The following BRSK2 variants were observed in gnomAD, a reference collection of about 807,000 sequenced individuals.
BRSK2 encodes serine/threonine-protein kinase BRSK2.
Under a neutral mutation model 83.3 loss-of-function variants are expected in BRSK2, and 19 were observed. The observed-to-expected ratio is 0.23, with a 90% confidence interval of 0.16 to 0.33. BRSK2 has a LOEUF of 0.33. BRSK2 is among the 10% of genes least tolerant of loss of function. The probability of loss-of-function intolerance (pLI) is 1.00; values close to 1 mark genes in which losing one functional copy is unlikely to be tolerated. For synonymous variants in BRSK2, 519 were observed against 435.4 expected (o/e 1.19, Z -2.39); for missense variants, 798 against 1,042.3 (o/e 0.77, Z 3.23).
At chr11:1,407,475 C>G (rs1846970295) in intron 1 of BRSK2, among the ~76,000 whole-genome samples, 1 of 152,282 alleles carries the variant, frequency 6.6e-6, no homozygotes, top group Non-Finnish European at 1.5e-5. Context: ...GCCCTTGTTC[C>G]TGCCGCCTGC....
At chr11:1,444,880 C>A in intron 8 of BRSK2, 91 bp from the exon 9 acceptor site, 1 of 1,238,052 alleles carries the variant, frequency 8.1e-7, no homozygotes, top group Non-Finnish European at 1.2e-6. Context: ...TCTCTCCGTG[C>A]TCCCAGCGCC....
At chr11:1,450,982 T>G (rs1019663275) in intron 14 of BRSK2, among the ~76,000 whole-genome samples, 188 bp downstream of exon 14, 1 of 152,210 alleles carries the variant, frequency 6.6e-6, no homozygotes, top group African/African-American at 2.4e-5. Flanking sequence ...TCGCACAGGC[T>G]GGTATCCCCT....
At chr11:1,444,300 G>A (rs746491339) in intron 8 of BRSK2, among the ~76,000 whole-genome samples, 1 of 152,124 alleles carries the variant, frequency 6.6e-6, no homozygotes, top group Non-Finnish European at 1.5e-5. Flanking sequence ...CTCCTCCAGG[G>A]CTGCCTGGTG....
intron 1 of BRSK2, among the ~76,000 whole-genome samples, chr11:1,396,437 G>A (rs887932698): frequency 5.3e-5 from 8 of 152,138 alleles, no homozygotes; most frequent in East Asian, 1.9e-4. Flanking sequence ...GAGTGACCCC[G>A]GGCCCTCTCA....
Position 1,450,522 on chromosome 11 carries a change from G to A in BRSK2, c.1288-65G>A, listed in dbSNP as rs571524859. On this transcript the variant is annotated intron_variant, in intron 13 of 19. Transcript: ENST00000528841. Reference sequence around the variant, plus strand: ...CCACCCCTGGGCCCGCCTGCCCTGCGGGTGCCCCCCCGGCCCCCACCCGCC... The same window carrying A: ...CCACCCCTGGGCCCGCCTGCCCTGCAGGTGCCCCCCCGGCCCCCACCCGCC... 3,637 of 780,652 alleles carry A rather than the reference G, an allele frequency of 4.7e-3. 12 individuals carry two copies. The highest frequency in any genetic ancestry group is 5.9e-3 in the Non-Finnish European group (2,868 of 485,066). 48.4% of individuals were successfully genotyped at this position (780,652 alleles called of 1,614,324 possible).
At chr11:1,408,834 T>TGTGG (rs1847113712) in intron 1 of BRSK2, among the ~76,000 whole-genome samples, 9 of 151,208 alleles carry the variant, frequency 6.0e-5, no homozygotes, top group African/African-American at 9.8e-5. Context: ...TGTGTGTGTG[T>TGTGG]GGCTGTGCTG....
intron 1 of BRSK2, among the ~76,000 whole-genome samples, chr11:1,418,260 G>T (rs1848306070): frequency 6.8e-6 from 1 of 146,880 alleles, no homozygotes; most frequent in Admixed American, 6.8e-5. Flanking sequence ...GCTTCTGTGG[G>T]CTGTTTCTTC....
intron 12 of BRSK2, among the ~76,000 whole-genome samples, chr11:1,448,669 T>C (rs1040346391): frequency 6.6e-6 from 1 of 152,178 alleles, no homozygotes; most frequent in African/African-American, 2.4e-5. Flanking sequence ...CTGTCCGCGC[T>C]CCCAGCTCAG....
chr11:1,457,084 G>T (rs774134171), intron 18 of BRSK2: 1 of 1,514,782 alleles, frequency 6.6e-7, no homozygotes, highest in Non-Finnish European at 8.8e-7. Context: ...GCGGGGAGGG[G>T]CTGCGGGCAG....
chr11:1,459,359 C>G lies in BRSK2; in HGVS notation c.1987+120C>G, dbSNP rs1000211975. The G allele has an allele frequency of 7.4e-6, 8 of 1,085,134 alleles. No individual in the cohort carries two copies. The African/African-American group carries it at 9.2e-5, about 13-fold the overall frequency. 67.2% of individuals were successfully genotyped at this position (1,085,134 alleles called of 1,614,324 possible). ...CGGCCTCCCTGTGTAGATGTAGGCA[C>G]CCAGCAGCCCAGATGTCCCCGGCCC... is the stretch of plus-strand genomic sequence containing the variant. On this transcript the variant is annotated intron_variant, in intron 19 of 19. Transcript: ENST00000528841.
At chr11:1,412,591 CCTCAG>C (rs1847638342) in intron 1 of BRSK2, among the ~76,000 whole-genome samples, 1 of 152,192 alleles carries the variant, frequency 6.6e-6, no homozygotes, top group South Asian at 2.1e-4. Flanking sequence ...GAGCAGGCGC[CCTCAG>C]AAAATGCGAG....
rs752186532 is a variant in BRSK2, at chr11:1,456,586, T to C, written c.1850-12T>C. The C allele has an allele frequency of 6.5e-5, 104 of 1,608,970 alleles. No individual in the cohort carries two copies. Among genetic ancestry groups the C allele is most frequent in the African/African-American group, 1.1e-4 (8 of 74,900 alleles). On this transcript the variant is annotated splice_polypyrimidine_tract_variant and intron_variant, in intron 17 of 19. Transcript: ENST00000528841. Reference sequence around the variant, plus strand: ...CAGGCCCGTCCAGGGCATAACCCCCTGTCTCCCCTAGGCCCCAGCCGTCGC... The same window carrying C: ...CAGGCCCGTCCAGGGCATAACCCCCCGTCTCCCCTAGGCCCCAGCCGTCGC...
chr11:1,451,808 G>A (rs546763487), intron 15 of BRSK2, among the ~76,000 whole-genome samples: 4 of 152,300 alleles, frequency 2.6e-5, no homozygotes, highest in Admixed American at 6.5e-5. Context: ...GTGGGAACAC[G>A]TGTGCAGGGG....
At position 1,460,980 on chromosome 11, in the gene BRSK2, G is replaced by A. The variant is rs776702764; in HGVS notation, c.*257G>A. The A allele has an allele frequency of 5.0e-6, 8 of 1,612,380 alleles. No individual in the cohort carries two copies. The highest frequency in any genetic ancestry group is 1.7e-5 in the Admixed American group (1 of 59,986). On this transcript the variant is annotated 3_prime_UTR_variant, in exon 20 of 20. Coordinates refer to ENST00000528841, the MANE Select transcript of BRSK2 (RefSeq NM_001256627.2). Reference sequence around the variant, plus strand: ...CCACTCTGATACCAGGAATTATCCCGAAAAGTTAACATGTCACCTCCACGA... The same window carrying A: ...CCACTCTGATACCAGGAATTATCCCAAAAAGTTAACATGTCACCTCCACGA...
intron 1 of BRSK2, among the ~76,000 whole-genome samples, chr11:1,406,656 TGAG>T (rs779357528): frequency 1.3e-5 from 2 of 151,980 alleles, no homozygotes; most frequent in African/African-American, 2.4e-5. Flanking sequence ...GGAGCTGGCA[TGAG>T]GAGGCCTGCA....
chr11:1,440,058 A>G (rs902207154), intron 3 of BRSK2, among the ~76,000 whole-genome samples: 5 of 152,044 alleles, frequency 3.3e-5, no homozygotes, highest in Non-Finnish European at 5.9e-5. Flanking sequence ...CAGCCCCCCT[A>G]CATCACCACA....
rs1013210085 is a variant in BRSK2 at position 1,456,234 on chromosome 11, C to T, written c.1669-114C>T. On this transcript the variant is annotated intron_variant, in intron 16 of 19. Transcript: ENST00000528841. ...GTGCCCCTCACGGAAGCAGAGGTGCCTGGGTGCTCACAATGTGTGCACGGT... is the reference window on the plus strand; with the variant it reads ...GTGCCCCTCACGGAAGCAGAGGTGCTTGGGTGCTCACAATGTGTGCACGGT... The T allele has an allele frequency of 7.0e-6, 8 of 1,141,698 alleles. No individual in the cohort carries two copies. The African/African-American group carries it at 9.5e-5, about 14-fold the overall frequency. 70.7% of individuals were successfully genotyped at this position (1,141,698 alleles called of 1,614,324 possible).
intron 1 of BRSK2, among the ~76,000 whole-genome samples, chr11:1,428,871 G>C (rs968669995): frequency 6.6e-6 from 1 of 151,794 alleles, no homozygotes; most frequent in Non-Finnish European, 1.5e-5. Flanking sequence ...TGTGTGCATG[G>C]GTGTGTGCAC....
In BRSK2 at chr11:1,443,174, C is replaced by T. The variant is rs888751666; in HGVS notation, c.564+35C>T. 9 of 1,535,606 alleles carry T rather than the reference C, an allele frequency of 5.9e-6. No individual in the cohort carries two copies. In the African/African-American group the frequency reaches 1.1e-4, roughly 19 times the overall value. Reference sequence around the variant, plus strand: ...CGCCGCCGCGTGCAGCTCTGTGGGGCCCAGGGTGGCGGGGACCTGACCCTG... The same window carrying T: ...CGCCGCCGCGTGCAGCTCTGTGGGGTCCAGGGTGGCGGGGACCTGACCCTG... On this transcript the variant is annotated intron_variant, in intron 6 of 19. Coordinates refer to ENST00000528841, the MANE Select transcript of BRSK2 (RefSeq NM_001256627.2).
Sources: allele counts gnomAD v4.1 joint callset (sites outside exome capture counted in the v4.1 genomes callset), GRCh38; gene constraint gnomAD v4.1.1; transcripts MANE v1.5; gene names NCBI Gene and HGNC (gene_info 2026-07-23, HGNC 2026-07-21).